TMEM232: variants seen among roughly 807,000 people sequenced by gnomAD.
TMEM232 encodes transmembrane protein 232.
TMEM232 carries 80 observed loss-of-function variants against 78.8 expected under a neutral mutation model. The observed-to-expected ratio is 1.01, with a 90% CI of 0.85 to 1.22. The LOEUF is 1.22. TMEM232 is among the 50% of genes most tolerant of loss of function. The pLI is 0.00. For missense variants in TMEM232, 881 were observed against 742.2 expected, an observed-to-expected ratio of 1.19 and a Z score of -2.17; for synonymous variants, 297 against 254.3, an observed-to-expected ratio of 1.17 and a Z score of -1.60.
chr5:110,692,502 C>T (rs939042592), intron 1 of TMEM232, among the ~76,000 whole-genome samples: 1 of 152,224 alleles, frequency 6.6e-6, no homozygotes, highest in Non-Finnish European at 1.5e-5. Flanking sequence ...CAGGGCGAGA[C>T]ATCGCCTCAC....
intron 2 of TMEM232, among the ~76,000 whole-genome samples, chr5:110,652,294 G>GCGTGCACACACACACACACA (rs1554069154): frequency 1.4e-5 from 2 of 145,360 alleles, no homozygotes; most frequent in African/African-American, 5.2e-5. Flanking sequence ...GCACGCGCGC[G>GCGTGCACACACACACACACA]CACACACACA....
intron 12 of TMEM232, among the ~76,000 whole-genome samples, chr5:110,448,027 T>C (rs534215632): frequency 1.7e-4 from 26 of 151,992 alleles, no homozygotes; most frequent in Admixed American, 2.6e-4. Flanking sequence ...AATATGTATA[T>C]TGAAATGACT....
intron 8 of TMEM232, among the ~76,000 whole-genome samples, chr5:110,614,826 T>C (rs1293699193): frequency 6.6e-6 from 1 of 152,004 alleles, no homozygotes; most frequent in African/African-American, 2.4e-5. Flanking sequence ...ACTTTCTATC[T>C]GAAAGAATCA....
Position 110,529,050 on chromosome 5 carries a change from T to C in TMEM232, c.1456-215A>G, listed in dbSNP as rs189543023. On this transcript the variant is annotated intron_variant, in intron 11 of 13. Coordinates refer to ENST00000455884, the MANE Select transcript of TMEM232 (RefSeq NM_001039763.4). ...TTTCAGTGAAATAAACATTAATGCA[T>C]CCAGTCTTGAAATTTTGAAAATTTA... 2.0e-3 allele frequency among the ~76,000 whole-genome samples: 297 copies of C among 152,294 alleles called. 1 individual carries two copies. Among genetic ancestry groups the C allele is most frequent in the African/African-American group, 6.1e-3 (254 of 41,562 alleles).
At chr5:110,430,947 A>G (rs940747299) in intron 12 of TMEM232, among the ~76,000 whole-genome samples, 1 of 151,816 alleles carries the variant, frequency 6.6e-6, no homozygotes, top group Non-Finnish European at 1.5e-5. Context: ...GCTGCAAAAT[A>G]TACTTCTCCT....
chr5:110,454,020 T>A (rs1267111458), intron 12 of TMEM232, among the ~76,000 whole-genome samples: 1 of 152,090 alleles, frequency 6.6e-6, no homozygotes, highest in African/African-American at 2.4e-5. Flanking sequence ...AAGCAAAAAA[T>A]AATGTAACTG....
Position 110,618,510 on chromosome 5 carries a change from C to T in TMEM232, c.821G>A (p.Cys274Tyr). 1 of 1,551,644 alleles carries T rather than the reference C, an allele frequency of 6.4e-7. No homozygotes were observed. The highest frequency in any genetic ancestry group is 1.2e-5 in the South Asian group (1 of 84,018). ...CAACTGAGGACTGTTATTCTGAACACAAGACCAAGCAGCAACACAGTGCCA... is the reference window on the plus strand; with the variant it reads ...CAACTGAGGACTGTTATTCTGAACATAAGACCAAGCAGCAACACAGTGCCA... ...LLWHCVAAWS[C>Y]VQNNSPQLNN... Residue 274 changes from cysteine (C) to tyrosine (Y), a missense_variant, in exon 8 of 14, where the codon TGT becomes TAT. Transcript: ENST00000455884.
intron 8 of TMEM232, among the ~76,000 whole-genome samples, chr5:110,607,117 T>A (rs1465383855): frequency 6.6e-6 from 1 of 152,142 alleles, no homozygotes; most frequent in East Asian, 1.9e-4. Flanking sequence ...ATTCTTATTA[T>A]GAAAATTAAA....
intron 11 of TMEM232, among the ~76,000 whole-genome samples, chr5:110,555,560 T>C (rs988809572): frequency 6.6e-6 from 1 of 152,180 alleles, no homozygotes; most frequent in Non-Finnish European, 1.5e-5. Flanking sequence ...ATATTTTTGT[T>C]AGTTTTCTGC....
chr5:110,688,721 A>G (rs1310868858), intron 1 of TMEM232, among the ~76,000 whole-genome samples: 2 of 152,202 alleles, frequency 1.3e-5, no homozygotes, highest in South Asian at 4.1e-4. Context: ...TGGGACCCCA[A>G]ACTCATTTAG....
intron 12 of TMEM232, among the ~76,000 whole-genome samples, chr5:110,445,841 T>G (rs1759587018): frequency 1.3e-5 from 2 of 152,242 alleles, no homozygotes; most frequent in Admixed American, 6.6e-5. Flanking sequence ...TGACAATTGG[T>G]TTATTTCAGA....
chr5:110,429,266 G>T (rs538279722), intron 12 of TMEM232, among the ~76,000 whole-genome samples: 2 of 151,836 alleles, frequency 1.3e-5, no homozygotes, highest in African/African-American at 4.8e-5. Context: ...GATCTACCTG[G>T]ATGGATTATG....
intron 12 of TMEM232, among the ~76,000 whole-genome samples, chr5:110,502,578 C>T (rs556344306): frequency 1.7e-3 from 262 of 152,262 alleles, no homozygotes; most frequent in African/African-American, 5.9e-3. Context: ...TAAAACCCTC[C>T]AGTGACTTCC....
chr5:110,460,025 A>G (rs779723856), intron 12 of TMEM232, among the ~76,000 whole-genome samples: 1 of 152,228 alleles, frequency 6.6e-6, no homozygotes, highest in Non-Finnish European at 1.5e-5. Flanking sequence ...CAAAGGTGAC[A>G]TGACAATCAA....
At chr5:110,531,051 C>T (rs1771389674) in intron 11 of TMEM232, among the ~76,000 whole-genome samples, 1 of 152,152 alleles carries the variant, frequency 6.6e-6, no homozygotes, top group African/African-American at 2.4e-5. Flanking sequence ...GTGAAAATGA[C>T]CTGTTCCTGC....
intron 1 of TMEM232, among the ~76,000 whole-genome samples, chr5:110,737,378 T>G (rs748415814): frequency 3.3e-5 from 5 of 152,174 alleles, no homozygotes; most frequent in Admixed American, 6.5e-5. Context: ...GCCAGAAACA[T>G]GTAAAAAACC....
chr5:110,731,844 T>C (rs1798707638), intron 2 of TMEM232, among the ~76,000 whole-genome samples: 1 of 152,262 alleles, frequency 6.6e-6, no homozygotes, highest in Non-Finnish European at 1.5e-5. Flanking sequence ...TTGCTTCCTA[T>C]GCAAATTTCT....
At chr5:110,544,434 C>T (rs1359897458) in intron 11 of TMEM232, among the ~76,000 whole-genome samples, 1 of 103,020 alleles carries the variant, frequency 9.7e-6, no homozygotes, top group Non-Finnish European at 1.8e-5. Context: ...TAGCAATACA[C>T]ACATATCAAA....
intron 10 of TMEM232, among the ~76,000 whole-genome samples, chr5:110,604,338 A>G (rs1186665565): frequency 2.6e-5 from 4 of 152,182 alleles, no homozygotes; most frequent in African/African-American, 9.7e-5. Context: ...ACAGTAGCAA[A>G]ATGACCTTTA....
Sources: allele counts gnomAD v4.1 joint callset (sites outside exome capture counted in the v4.1 genomes callset), GRCh38; gene constraint gnomAD v4.1.1; transcripts MANE v1.5; gene names NCBI Gene and HGNC (gene_info 2026-07-23, HGNC 2026-07-21).